Variants in DAB1 observed in about 807,000 individuals in gnomAD.
DAB1 encodes the protein disabled homolog 1.
DAB1 carries 15 observed loss-of-function variants against 64.6 expected under a neutral mutation model. That is an observed-to-expected ratio of 0.23 (90% CI 0.16 to 0.36). The LOEUF (loss-of-function observed/expected upper bound fraction) is 0.36. Ranked by LOEUF, DAB1 falls within the 10% of genes least tolerant of loss-of-function variation. The pLI is 1.00. For missense variants in DAB1, 596 were observed against 706.7 expected (o/e 0.84, Z 1.78); for synonymous variants, 235 against 251.9 (o/e 0.93, Z 0.64).
rs564255201 is a variant in DAB1, at chr1:57,488,119, G to A, written n.625+161473C>T. Among the ~76,000 whole-genome samples, 10 of 152,168 alleles carry A rather than the reference G, an allele frequency of 6.6e-5. No individual in the cohort carries two copies. The South Asian group carries it at 2.1e-3, about 32-fold the overall frequency. On this transcript the variant is annotated intron_variant and non_coding_transcript_variant, in intron 7 of 20. Transcript: ENST00000485760. ...TGCACATTAAAAAATTTGTATATTT[G>A]GGGGCCAGACACGGCGGCTCACACC...
chr1:57,063,323 T>G (rs1255619361), intron 8 of DAB1, among the ~76,000 whole-genome samples: 1 of 152,150 alleles, frequency 6.6e-6, no homozygotes, highest in African/African-American at 2.4e-5. Flanking sequence ...TAAAAACAGT[T>G]TGCAGCTGAG....
intron 1 of DAB1, among the ~76,000 whole-genome samples, chr1:57,379,114 G>C (rs141814886): frequency 3.7e-4 from 57 of 152,148 alleles, no homozygotes; most frequent in African/African-American, 1.3e-3. Flanking sequence ...TATCATAAGA[G>C]TTCCTAAAGA....
At chr1:58,478,342 A>G (rs926484086) in intron 3 of DAB1, among the ~76,000 whole-genome samples, 25 of 152,170 alleles carry the variant, frequency 1.6e-4, no homozygotes, top group African/African-American at 6.0e-4. Flanking sequence ...TAAATTACCT[A>G]GTCTCGGGTA....
chr1:57,970,067 G>C (rs1645761188), intron 5 of DAB1, among the ~76,000 whole-genome samples: 1 of 152,160 alleles, frequency 6.6e-6, no homozygotes, highest in Admixed American at 6.6e-5. Flanking sequence ...TGAGGACACA[G>C]AGAGAAGGCA....
chr1:58,400,798 C>A (rs1236722461), intron 3 of DAB1, among the ~76,000 whole-genome samples: 1 of 152,026 alleles, frequency 6.6e-6, no homozygotes, highest in Non-Finnish European at 1.5e-5. Flanking sequence ...AAGTATAATT[C>A]TCTGAAATTC....
intron 6 of DAB1, among the ~76,000 whole-genome samples, chr1:57,665,648 A>T (rs1646437516): frequency 6.6e-6 from 1 of 152,168 alleles, no homozygotes. Context: ...TCAGAATGGT[A>T]TGTAGCTATT....
chr1:57,786,170 A>C (rs1209543791), intron 6 of DAB1, among the ~76,000 whole-genome samples: 1 of 152,198 alleles, frequency 6.6e-6, no homozygotes, highest in Non-Finnish European at 1.5e-5. Flanking sequence ...TTTTAAAGAC[A>C]TAATACTTTT....
intron 6 of DAB1, among the ~76,000 whole-genome samples, chr1:57,710,328 T>C (rs963757727): frequency 6.6e-6 from 1 of 152,212 alleles, no homozygotes; most frequent in Non-Finnish European, 1.5e-5. Flanking sequence ...TAGAGTTTCA[T>C]ACTACGGAAT....
chr1:58,013,463 C>T (rs1432370912), intron 5 of DAB1, among the ~76,000 whole-genome samples: 1 of 152,034 alleles, frequency 6.6e-6, no homozygotes, highest in Non-Finnish European at 1.5e-5. Flanking sequence ...CCACATGCTC[C>T]AAAAAAAGAG....
intron 4 of DAB1, among the ~76,000 whole-genome samples, chr1:57,083,972 C>T (rs1190557292): frequency 2.6e-5 from 4 of 152,178 alleles, no homozygotes; most frequent in African/African-American, 7.2e-5. Context: ...CCTAGCGTTC[C>T]GCCTGGCACA....
At chr1:58,328,855 C>T (rs1213763989) in intron 4 of DAB1, among the ~76,000 whole-genome samples, 2 of 152,166 alleles carry the variant, frequency 1.3e-5, no homozygotes, top group African/African-American at 2.4e-5. Context: ...CTGCCTGCCT[C>T]GGCCTCCCAA....
chr1:58,079,515 C>CTTTTT (rs66960756), intron 5 of DAB1, among the ~76,000 whole-genome samples: 46 of 67,824 alleles, frequency 6.8e-4, no homozygotes, highest in South Asian at 2.6e-3. Context: ...AGCATACCAT[C>CTTTTT]TTTTTTTTTT....
chr1:57,036,922 C>T (rs1360607525), intron 9 of DAB1, among the ~76,000 whole-genome samples: 1 of 152,122 alleles, frequency 6.6e-6, no homozygotes, highest in Non-Finnish European at 1.5e-5. Context: ...GTTATTCTTA[C>T]AGGAAAAATG....
At chr1:57,526,144 G>A (rs1276875510) in intron 7 of DAB1, among the ~76,000 whole-genome samples, 2 of 152,010 alleles carry the variant, frequency 1.3e-5, no homozygotes, top group South Asian at 2.1e-4. Flanking sequence ...CACCATGTTG[G>A]CCAGGCTGGT....
chr1:58,083,613 A>T (rs1458719129), intron 5 of DAB1, among the ~76,000 whole-genome samples: 1 of 152,256 alleles, frequency 6.6e-6, no homozygotes, highest in African/African-American at 2.4e-5. Context: ...GCACTTAACA[A>T]ATCATACATT....
chr1:57,363,731 C>T (rs1679743147), intron 1 of DAB1, among the ~76,000 whole-genome samples: 2 of 152,228 alleles, frequency 1.3e-5, no homozygotes, highest in Non-Finnish European at 2.9e-5. Flanking sequence ...TGAGACGCCT[C>T]ATGAAGAGAG....
chr1:57,727,723 T>TCG lies in DAB1; in HGVS notation n.552-78059_552-78058insCG, dbSNP rs1393664894. 2.2e-3 allele frequency among the ~76,000 whole-genome samples: 306 copies of TCG among 142,198 alleles called. 2 individuals carry two copies. The highest frequency in any genetic ancestry group is 7.8e-3 in the African/African-American group (287 of 36,988). 93.3% of individuals were successfully genotyped at this position (142,198 alleles called of 152,430 possible). On this transcript the variant is annotated intron_variant and non_coding_transcript_variant, in intron 6 of 20. Transcript: ENST00000485760. ...TCTCACCCTCTTCTGCTTCCTTCCT[T>TCG]CTCTCCTTCCTTCCTTCCTTCCTTC... is the stretch of plus-strand genomic sequence containing the variant.
intron 2 of DAB1, among the ~76,000 whole-genome samples, chr1:57,175,741 T>C (rs1159077687): frequency 6.6e-6 from 1 of 152,162 alleles, no homozygotes; most frequent in African/African-American, 2.4e-5. Context: ...TTCAGGTGCT[T>C]GCTATCTGCT....
chr1:58,064,985 C>A (rs1188086709), intron 5 of DAB1, among the ~76,000 whole-genome samples: 1 of 152,184 alleles, frequency 6.6e-6, no homozygotes, highest in Non-Finnish European at 1.5e-5. Context: ...GCTGGGATTA[C>A]AAGCGTGAGC....
Sources: gnomAD v4.1 joint callset for allele counts (sites outside exome capture counted in the v4.1 genomes callset) on GRCh38, gnomAD v4.1.1 for gene constraint, MANE v1.5 for transcripts, NCBI Gene and HGNC (gene_info 2026-07-23, HGNC 2026-07-21) for gene names.